The following NCOR2 variants were observed in gnomAD, a reference collection of about 807,000 sequenced individuals.
NCOR2 encodes the protein nuclear receptor corepressor 2.
Under a neutral mutation model 262.9 loss-of-function variants are expected in NCOR2, and 81 were observed. The ratio of observed to expected loss-of-function variants is 0.31; its 90% CI spans 0.26 to 0.37. The LOEUF (loss-of-function observed/expected upper bound fraction) is 0.37, where lower values mean the gene tolerates loss of function less well. Among genes scored for constraint, NCOR2 ranks in the 10% least tolerant of loss-of-function variants. The probability of loss-of-function intolerance (pLI) is 1.00; values close to 1 mark genes in which losing one functional copy is unlikely to be tolerated. For synonymous variants in NCOR2, 1,659 were observed against 1,559.3 expected, an observed-to-expected ratio of 1.06 and a Z score of -1.51; for missense variants, 3,385 against 3,621.4, an observed-to-expected ratio of 0.93 and a Z score of 1.68.
intron 4 of NCOR2, 111 bp from the exon 7 acceptor site, chr12:124,466,397 AG>A: frequency 1.1e-6 from 1 of 903,294 alleles, no homozygotes; most frequent in Non-Finnish European, 1.7e-6. Flanking sequence ...GGCCGCGCAC[AG>A]GAAGTCAGGC....
At chr12:124,520,556 C>G (rs2050126834) in intron 1 of NCOR2, among the ~76,000 whole-genome samples, 1 of 152,184 alleles carries the variant, frequency 6.6e-6, no homozygotes, top group Admixed American at 6.5e-5. Context: ...CATGTCTCTT[C>G]ACGGCCACTC....
Position 124,354,492 on chromosome 12 carries a change from G to A in NCOR2, c.3575C>T (p.Ala1192Val), listed in dbSNP as rs767609175. The A allele has an allele frequency of 1.9e-6, 3 of 1,568,250 alleles. No homozygotes were observed. The highest frequency in any genetic ancestry group is 1.4e-5 in the African/African-American group (1 of 73,660). The change falls in exon 26 of 47, where the codon GCG becomes GTG. Residue 1192 changes from alanine (A) to valine (V), a missense_variant. Ala to Val is a moderately conservative substitution (Grantham distance 64). Transcript: ENST00000405201. ...AGGGCCCTCACCTCTCAGCACGGAC[G>A]CCTCCTGGGCTGTGGGCACCCCCAG...
Position 124,432,062 on chromosome 12 carries a change from C to T in NCOR2, c.883-1275G>A, listed in dbSNP as rs552805693. 1.3e-5 allele frequency among the ~76,000 whole-genome samples: 2 copies of T among 151,578 alleles called. No homozygotes were observed. Among genetic ancestry groups the T allele is most frequent in the African/African-American group, 2.4e-5 (1 of 41,304 alleles). The stretch of plus-strand genomic sequence containing the variant: ...TCACACAGGCAGGCAGGCAGACACA[C>T]AGGCGGTCACACAGGCAGGCAGACA... On this transcript the variant is annotated intron_variant, in intron 8 of 46. Transcript: ENST00000405201. This position sits in a 1 kb window ranked among gnomAD's most constrained non-coding sequence, Gnocchi z 5.1.
At chr12:124,379,013 C>CGGGAT (rs56128768) in intron 17 of NCOR2, among the ~76,000 whole-genome samples, 1 of 150,220 alleles carries the variant, frequency 6.7e-6, no homozygotes, top group Admixed American at 6.7e-5. Context: ...GTGGGTGAAA[C>CGGGAT]AGGATGGGAC....
At chr12:124,345,298 T>C (rs549270732) in intron 31 of NCOR2, among the ~76,000 whole-genome samples, 1 of 152,164 alleles carries the variant, frequency 6.6e-6, no homozygotes, top group South Asian at 2.1e-4. Context: ...GTAAAAAACA[T>C]TCCTCTGTTC....
chr12:124,408,768 T>G (rs900881847), intron 13 of NCOR2, among the ~76,000 whole-genome samples: 1 of 152,184 alleles, frequency 6.6e-6, no homozygotes, highest in African/African-American at 2.4e-5. Context: ...AATAAATTTT[T>G]TTTAAAGAAA....
At position 124,328,021 on chromosome 12, in the gene NCOR2, T is replaced by TG. The variant is rs2034838216; in HGVS notation, c.6959-389_6959-388insC. 2.6e-5 allele frequency among the ~76,000 whole-genome samples: 4 copies of TG among 152,058 alleles called. No homozygotes were observed. In the South Asian group the frequency reaches 8.3e-4, roughly 32 times the overall value. ...CCTAGCTGGGGCTGTTTTGTTTGTT[T>TG]TTTTTTTAAATCTCAAGTGGCCTTA... On this transcript the variant is annotated intron_variant, in intron 44 of 46. Coordinates refer to ENST00000405201, the Ensembl canonical transcript of NCOR2.
chr12:124,466,399 G>C lies in NCOR2; in HGVS notation c.592-113C>G, dbSNP rs898577713. 5.7e-6 allele frequency: 5 copies of C among 884,636 alleles called. No individual in the cohort carries two copies. In the East Asian group the frequency reaches 8.7e-5, roughly 15 times the overall value. 54.8% of individuals were successfully genotyped at this position (884,636 alleles called of 1,614,324 possible). A position where few individuals can be genotyped will look rare whatever the true frequency, so the allele number is the denominator to read the frequency against. ...CAGCCCGGGCCACGGCCGCGCACAG[G>C]AAGTCAGGCTGCTACACATTTCCTG... On this transcript the variant is annotated intron_variant, in intron 4 of 46. Coordinates refer to ENST00000405201, the Ensembl canonical transcript of NCOR2.
At chr12:124,383,062 A>G (rs1317662) in intron 17 of NCOR2, among the ~76,000 whole-genome samples, 63,989 of 152,094 alleles carry the variant, frequency 0.42, 16,058 homozygotes, top group Middle Eastern at 0.57. Context: ...GAATCAATCA[A>G]TCGTGAGTGT....
chr12:124,378,321 C>T lies in NCOR2; in HGVS notation c.2083G>A (p.Ala695Thr), dbSNP rs1421889309. Residue 695 changes from alanine (A) to threonine (T), a missense_variant, in exon 18 of 47, where the codon GCA (alanine) becomes ACA (threonine). This residue lies in a region of NCOR2 where 515 missense variants were observed against 781.2 expected (regional missense o/e 0.66). Coordinates refer to ENST00000405201, the Ensembl canonical transcript of NCOR2. This position sits in a 1 kb window ranked among gnomAD's most constrained non-coding sequence, Gnocchi z 4.2. The stretch of plus-strand genomic sequence containing the variant: ...TCATCCTCCACCACGGGCGGGAATG[C>T]AGCCTCCTCGCTGGCCGCCGCCGGC... 1.2e-6 allele frequency: 2 copies of T among 1,613,992 alleles called. No individual in the cohort carries two copies. Among genetic ancestry groups the T allele is most frequent in the South Asian group, 1.1e-5 (1 of 91,084 alleles).
chr12:124,378,276 C>T lies in NCOR2; in HGVS notation c.2128G>A (p.Val710Met), dbSNP rs749225102. Residue 710 changes from valine to methionine, a missense_variant, in exon 18 of 47, where the codon GTG becomes ATG. Coordinates refer to ENST00000405201, the Ensembl canonical transcript of NCOR2. The surrounding 1 kb of genome is among the most constrained non-coding windows in gnomAD (Gnocchi z 4.2). ...ACCATCTCCTCCTCATTTCCGCTCACGCCCGACGCCTCCATCTCCTCATCC... is the reference window on the plus strand; with the variant it reads ...ACCATCTCCTCCTCATTTCCGCTCATGCCCGACGCCTCCATCTCCTCATCC... 64 of 1,613,910 alleles carry T rather than the reference C, an allele frequency of 4.0e-5. No individual in the cohort carries two copies. The highest frequency in any genetic ancestry group is 3.3e-4 in the Middle Eastern group (2 of 6,084).
chr12:124,325,377 G>GCCCGCCCCC, exon 47 of NCOR2: 1 of 246,786 alleles, frequency 4.1e-6, no homozygotes, highest in Non-Finnish European at 6.6e-6. Flanking sequence ...ACCTGACACC[G>GCCCGCCCCC]CCCCCCCCCC....
At chr12:124,509,544 T>A (rs967833672) in intron 1 of NCOR2, among the ~76,000 whole-genome samples, 3 of 152,124 alleles carry the variant, frequency 2.0e-5, no homozygotes, top group African/African-American at 7.2e-5. Flanking sequence ...TCAGATAGGA[T>A]CTCCCTGGAA....
Position 124,531,449 on chromosome 12 carries a change from C to T in NCOR2, c.-118+4116G>A, listed in dbSNP as rs964982475. On this transcript the variant is annotated intron_variant, in intron 1 of 46. Transcript: ENST00000404621. The surrounding 1 kb of genome is among the most constrained non-coding windows in gnomAD (Gnocchi z 4.5). ...TCCTCTCAGCCCGCCATCACAGGCA[C>T]CATTAATTGCTGTCATTTGAGGGTG... is the stretch of plus-strand genomic sequence containing the variant. 2.0e-5 allele frequency among the ~76,000 whole-genome samples: 3 copies of T among 151,994 alleles called. No homozygotes were observed. Among genetic ancestry groups the T allele is most frequent in the African/African-American group, 7.3e-5 (3 of 41,352 alleles).
At chr12:124,489,268 T>C (rs963715201) in intron 1 of NCOR2, among the ~76,000 whole-genome samples, 7 of 152,140 alleles carry the variant, frequency 4.6e-5, no homozygotes, top group Admixed American at 4.6e-4. Flanking sequence ...AAAACAACAA[T>C]AATACCCCAC....
rs1555297244 is a variant in NCOR2 at position 124,325,382 on chromosome 12, C to CCCT, written c.*19_*20insAGG. The CCCT allele has an allele frequency of 1.7e-5, 7 of 412,906 alleles. 1 individual carries two copies. The highest frequency in any genetic ancestry group is 5.5e-5 in the African/African-American group (2 of 36,116). 25.6% of individuals were successfully genotyped at this position (412,906 alleles called of 1,614,324 possible). A position where few individuals can be genotyped will look rare whatever the true frequency, so the allele number is the denominator to read the frequency against. On this transcript the variant is annotated 3_prime_UTR_variant, in exon 47 of 47. Coordinates refer to ENST00000405201, the Ensembl canonical transcript of NCOR2. ...GCTCGCTGGGACCTGACACCGCCCC[C>CCCT]CCCCCCGCCCTGTTCTGAGTCACTC... is the stretch of plus-strand genomic sequence containing the variant.
intron 1 of NCOR2, among the ~76,000 whole-genome samples, chr12:124,512,580 G>A (rs961068792): frequency 2.6e-5 from 4 of 152,156 alleles, no homozygotes; most frequent in Non-Finnish European, 5.9e-5. Context: ...AACTCTTGGG[G>A]GTATCACCAC....
chr12:124,383,720 T>A (rs1349254062), intron 17 of NCOR2, among the ~76,000 whole-genome samples: 2 of 152,200 alleles, frequency 1.3e-5, no homozygotes, highest in Non-Finnish European at 2.9e-5. Context: ...ACCTCTTGGA[T>A]AACAACTGTT....
At chr12:124,499,298 T>C (rs2048556004), upstream of NCOR2, among the ~76,000 whole-genome samples, 2 of 152,222 alleles carry the variant, frequency 1.3e-5, no homozygotes, top group South Asian at 4.1e-4. Flanking sequence ...CCGCTGCGTC[T>C]GGCTGCGGTG....
Sources: allele counts gnomAD v4.1 joint callset (sites outside exome capture counted in the v4.1 genomes callset), GRCh38; gene constraint gnomAD v4.1.1; regional missense constraint gnomAD v4.1.1; non-coding constraint Gnocchi (gnomAD v3.1); transcripts MANE v1.5; gene names NCBI Gene and HGNC (gene_info 2026-07-23, HGNC 2026-07-21).